Variants in LPP observed in about 807,000 individuals in gnomAD.
LPP encodes the protein lipoma-preferred partner.
LPP carries 38 observed loss-of-function variants against 60.4 expected under a neutral mutation model. That is an observed-to-expected ratio of 0.63 (90% CI 0.49 to 0.83). The LOEUF (loss-of-function observed/expected upper bound fraction) is 0.83, where lower values mean the gene tolerates loss of function less well. Among genes scored for constraint, LPP ranks in the 40% least tolerant of loss-of-function variants. The pLI, the probability that LPP is intolerant of heterozygous loss-of-function variation, is 0.00. For missense variants in LPP, 902 were observed against 783.6 expected, an observed-to-expected ratio of 1.15 and a Z score of -1.80; for synonymous variants, 328 against 290.8, an observed-to-expected ratio of 1.13 and a Z score of -1.30.
chr3:188,685,575 C>T (rs544081703), intron 7 of LPP, among the ~76,000 whole-genome samples: 5 of 152,094 alleles, frequency 3.3e-5, no homozygotes, highest in African/African-American at 7.2e-5. Flanking sequence ...GTCCGGGACC[C>T]GCATGGCAAG....
Position 188,517,594 on chromosome 3 carries a change from T to C in LPP, c.307-7071T>C, listed in dbSNP as rs138341455. ...AATCTGGGAAGAAAAAGAGGTTTAA[T>C]TGGACTTATAGTTCCACATGGCTGG... On this transcript the variant is annotated intron_variant, in intron 5 of 11. Coordinates refer to ENST00000617246, the MANE Select transcript of LPP (RefSeq NM_001375462.1). Among the ~76,000 whole-genome samples the C allele has an allele frequency of 4.6e-3, 698 of 152,276 alleles. 2 individuals are homozygous for C. The highest frequency in any genetic ancestry group is 0.015 in the African/African-American group (631 of 41,560).
intron 7 of LPP, among the ~76,000 whole-genome samples, chr3:188,614,455 G>A (rs1844482492): frequency 1.3e-5 from 2 of 152,078 alleles, no homozygotes; most frequent in South Asian, 2.1e-4. Flanking sequence ...GATGAGAATG[G>A]TAGATATTGC....
At chr3:188,822,326 AT>A (rs1171266988) in intron 9 of LPP, among the ~76,000 whole-genome samples, 1 of 152,110 alleles carries the variant, frequency 6.6e-6, no homozygotes, top group Non-Finnish European at 1.5e-5. Context: ...GTGAGCCTGG[AT>A]TTGGAGGCTT....
intron 9 of LPP, among the ~76,000 whole-genome samples, chr3:188,826,775 C>G (rs1196193741): frequency 6.6e-6 from 1 of 151,782 alleles, no homozygotes; most frequent in East Asian, 2.0e-4. Context: ...ATCTCTGGAC[C>G]CCCCCCACTC....
intron 2 of LPP, among the ~76,000 whole-genome samples, chr3:188,263,562 C>G (rs1560173973): frequency 6.6e-6 from 1 of 152,214 alleles, no homozygotes; most frequent in Non-Finnish European, 1.5e-5. Context: ...GCTCCAGCAC[C>G]AAGCAACACT....
chr3:188,372,536 C>CTT (rs1327787640), intron 3 of LPP, among the ~76,000 whole-genome samples: 6 of 151,852 alleles, frequency 4.0e-5, no homozygotes, highest in African/African-American at 1.5e-4. Context: ...TCTTTTGTTT[C>CTT]TTTTTCTTTT....
intron 7 of LPP, among the ~76,000 whole-genome samples, chr3:188,671,637 G>A (rs1392430161): frequency 6.6e-6 from 1 of 152,118 alleles, no homozygotes; most frequent in Non-Finnish European, 1.5e-5. Context: ...ATAATCAAGG[G>A]GCAGTTGCCT....
intron 5 of LPP, among the ~76,000 whole-genome samples, chr3:188,523,548 A>C (rs1819604287): frequency 1.3e-5 from 2 of 152,176 alleles, no homozygotes; most frequent in Non-Finnish European, 2.9e-5. Context: ...CGACAGATTG[A>C]CTTCAAGGGT....
chr3:188,685,151 G>A (rs1315003188), intron 7 of LPP, among the ~76,000 whole-genome samples: 1 of 152,218 alleles, frequency 6.6e-6, no homozygotes, highest in Non-Finnish European at 1.5e-5. Flanking sequence ...TTGTAGTGGT[G>A]CAAGACAGTG....
chr3:188,189,262 T>A (rs1028819094), intron 1 of LPP, among the ~76,000 whole-genome samples: 2 of 152,120 alleles, frequency 1.3e-5, no homozygotes, highest in African/African-American at 4.8e-5. Flanking sequence ...AAGTTTTGTA[T>A]TTTTTAATAG....
intron 9 of LPP, among the ~76,000 whole-genome samples, chr3:188,796,286 G>T (rs1352365873): frequency 4.6e-5 from 7 of 152,170 alleles, no homozygotes; most frequent in African/African-American, 1.7e-4. Context: ...CTGAAAGAAG[G>T]CCAGTGTGGT....
At chr3:188,509,649 C>A (rs1311877190) in intron 5 of LPP, among the ~76,000 whole-genome samples, 1 of 33,050 alleles carries the variant, frequency 3.0e-5, no homozygotes, top group African/African-American at 1.1e-4. Context: ...TTCCTTCCTT[C>A]CTTCCTTCCT....
intron 4 of LPP, among the ~76,000 whole-genome samples, chr3:188,446,170 A>T (rs1030467042): frequency 1.2e-4 from 18 of 152,318 alleles, no homozygotes; most frequent in Admixed American, 3.3e-4. Context: ...CACTTAAATG[A>T]CTAGAAACAG....
chr3:188,359,259 C>G (rs965283289), intron 3 of LPP, among the ~76,000 whole-genome samples: 1 of 152,120 alleles, frequency 6.6e-6, no homozygotes, highest in South Asian at 2.1e-4. Flanking sequence ...TGTTATGTGT[C>G]AGTTAGAAAG....
intron 8 of LPP, among the ~76,000 whole-genome samples, chr3:188,727,923 A>G (rs931049755): frequency 7.2e-5 from 11 of 152,186 alleles, no homozygotes; most frequent in African/African-American, 2.7e-4. Flanking sequence ...ACTAGCTACT[A>G]TATTCTGCAA....
Position 188,522,468 on chromosome 3 carries a change from G to T in LPP, c.307-2197G>T, listed in dbSNP as rs185563378. Among the ~76,000 whole-genome samples the T allele has an allele frequency of 2.7e-3, 412 of 152,160 alleles. 1 individual carries two copies. The highest frequency in any genetic ancestry group is 4.2e-3 in the Non-Finnish European group (287 of 68,020). On this transcript the variant is annotated intron_variant, in intron 5 of 11. Transcript: ENST00000617246. Reference sequence around the variant, plus strand: ...CCCAAAAGATAGTGCTATGAGAAAGGTTACTGCCTGTGTCACAGTCTGTCA... The same window carrying T: ...CCCAAAAGATAGTGCTATGAGAAAGTTTACTGCCTGTGTCACAGTCTGTCA...
chr3:188,850,714 T>G (rs934154955), intron 9 of LPP, among the ~76,000 whole-genome samples: 2 of 152,072 alleles, frequency 1.3e-5, no homozygotes, highest in Non-Finnish European at 2.9e-5. Flanking sequence ...CACAGAAAAG[T>G]AAATGAAATC....
At chr3:188,549,497 AGCGATTTTAAAGAAAAATTTTATAGGT>A in intron 6 of LPP, among the ~76,000 whole-genome samples, 1 of 152,324 alleles carries the variant, frequency 6.6e-6, no homozygotes, top group East Asian at 1.9e-4. Flanking sequence ...ACCTGTAAGT[AGCGATTTTAAAGAAAAATTTTATAGGT>A]CTTTGTTAGT....
intron 8 of LPP, among the ~76,000 whole-genome samples, chr3:188,724,820 C>T (rs1361025108): frequency 6.6e-6 from 1 of 152,134 alleles, no homozygotes; most frequent in Non-Finnish European, 1.5e-5. Flanking sequence ...ATCTTCTAGT[C>T]TAGTGATGTG....
Sources: allele counts gnomAD v4.1 joint callset (sites outside exome capture counted in the v4.1 genomes callset), GRCh38; gene constraint gnomAD v4.1.1; transcripts MANE v1.5; gene names NCBI Gene and HGNC (gene_info 2026-07-23, HGNC 2026-07-21).